The following TRPV3 variants were observed in gnomAD, a reference collection of about 807,000 sequenced individuals.
The protein encoded by TRPV3 is transient receptor potential cation channel subfamily V member 3, also known as VRL-3.
Under a neutral mutation model 87.1 loss-of-function variants are expected in TRPV3, and 88 were observed. The ratio of observed to expected loss-of-function variants is 1.01; its 90% CI spans 0.85 to 1.21. The LOEUF is 1.21. Among genes scored for constraint, TRPV3 ranks in the 50% most tolerant of loss-of-function variants. The probability of loss-of-function intolerance (pLI) is 0.00; values close to 1 mark genes in which losing one functional copy is unlikely to be tolerated. For synonymous variants in TRPV3, 438 were observed against 423.3 expected (o/e 1.03, Z -0.43); for missense variants, 1,054 against 1,030.1 (o/e 1.02, Z -0.32).
Position 3,526,904 on chromosome 17 carries a change from T to C in TRPV3, c.1527A>G (p.Arg509=), listed in dbSNP as rs771840292. The part of the protein sequence containing the change: ...VKEGIAIFLL[R]PSDLQSILSD... Reference sequence around the variant, plus strand: ...AGAGGATGGACTGCAGATCCGAGGGTCTCAGCAGGAAGATGGCAATGCCCT... The same window carrying C: ...AGAGGATGGACTGCAGATCCGAGGGCCTCAGCAGGAAGATGGCAATGCCCT... Residue 509 remains arginine (R), a synonymous_variant, in exon 12 of 18, where the codon AGA becomes AGG. Transcript: ENST00000576742. 15 of 1,611,778 alleles carry C rather than the reference T, an allele frequency of 9.3e-6. No individual in the cohort carries two copies. The South Asian group carries it at 1.7e-4, about 18-fold the overall frequency.
chr17:3,533,825 A>G (rs143605903), intron 7 of TRPV3, among the ~76,000 whole-genome samples: 1 of 152,222 alleles, frequency 6.6e-6, no homozygotes, highest in East Asian at 1.9e-4. Flanking sequence ...AGCACTTATC[A>G]TTTCATATCA....
chr17:3,541,074 C>A (rs931218017), intron 6 of TRPV3, among the ~76,000 whole-genome samples: 6 of 152,168 alleles, frequency 3.9e-5, no homozygotes, highest in Non-Finnish European at 7.3e-5. Context: ...CCTGGAAAAA[C>A]CTAAATTGTG....
chr17:3,536,591 A>G (rs1567639758), intron 6 of TRPV3, among the ~76,000 whole-genome samples: 1 of 152,104 alleles, frequency 6.6e-6, no homozygotes, highest in African/African-American at 2.4e-5. Flanking sequence ...TCCATCTCAA[A>G]AAACAAACAA....
At chr17:3,550,012 AATG>A (rs1285369070) in intron 2 of TRPV3, among the ~76,000 whole-genome samples, 2 of 149,940 alleles carry the variant, frequency 1.3e-5, no homozygotes, top group Non-Finnish European at 3.0e-5. Context: ...TGGATGAATA[AATG>A]ATGGATGGAT....
intron 11 of TRPV3, 51 bp from the exon 12 acceptor site, chr17:3,526,978 G>A: frequency 6.9e-7 from 1 of 1,443,408 alleles, no homozygotes; most frequent in Non-Finnish European, 9.6e-7. Flanking sequence ...GCCCTCAGCA[G>A]GGGAGCTGAG....
chr17:3,556,620 G>T lies in TRPV3; in HGVS notation c.-3+1056C>A, dbSNP rs1255358769. ...TCCTGGAGGAAGTTTCCGGAGCCAG[G>T]TGTCATCAGGCTGGAGAGAGTCCCC... On this transcript the variant is annotated intron_variant, in intron 1 of 17. Transcript: ENST00000576742. This position sits in a 1 kb window ranked among gnomAD's most constrained non-coding sequence, Gnocchi z 4.2. Among the ~76,000 whole-genome samples, 1 of 152,308 alleles carries T rather than the reference G, an allele frequency of 6.6e-6. No homozygotes were observed. Among genetic ancestry groups the T allele is most frequent in the East Asian group, 1.9e-4 (1 of 5,176 alleles).
chr17:3,554,953 T>G, intron 1 of TRPV3, 101 bp from the exon 2 acceptor site: 1 of 661,182 alleles, frequency 1.5e-6, no homozygotes, highest in Non-Finnish European at 2.6e-6. Context: ...CCGTTCACAC[T>G]ACCTGGAACT....
intron 6 of TRPV3, among the ~76,000 whole-genome samples, chr17:3,538,675 C>G (rs1450231352): frequency 6.6e-6 from 1 of 152,066 alleles, no homozygotes; most frequent in Non-Finnish European, 1.5e-5. Context: ...ACCTCCGCCT[C>G]CCAGGTTCAA....
At chr17:3,529,800 C>T (rs2074332750) in intron 9 of TRPV3, among the ~76,000 whole-genome samples, 2 of 150,252 alleles carry the variant, frequency 1.3e-5, no homozygotes, top group Non-Finnish European at 3.0e-5. Flanking sequence ...CCCGCCACCA[C>T]CACTCAGGTC....
At position 3,530,282 on chromosome 17, in the gene TRPV3, C is replaced by A; in HGVS notation, c.1066-79G>T. The A allele has an allele frequency of 6.8e-7, 1 of 1,466,654 alleles. No individual in the cohort carries two copies. The highest frequency in any genetic ancestry group is 9.2e-7 in the Non-Finnish European group (1 of 1,087,150). 90.9% of individuals were successfully genotyped at this position (1,466,654 alleles called of 1,614,324 possible). On this transcript the variant is annotated intron_variant, in intron 8 of 17. Transcript: ENST00000576742. The surrounding 1 kb of genome is among the most constrained non-coding windows in gnomAD (Gnocchi z 4.0). ...CAGGGCTGGACCAGCCAGAGGCTGG[C>A]TGGGCCCAGGGGATACACCCGCCCA...
At chr17:3,547,621 A>G (rs2074538789) in intron 2 of TRPV3, among the ~76,000 whole-genome samples, 2 of 151,226 alleles carry the variant, frequency 1.3e-5, no homozygotes, top group Admixed American at 1.3e-4. Flanking sequence ...ACTCCTCTAG[A>G]AAAAAAATGG....
At chr17:3,527,612 T>TGGATGGAC in intron 11 of TRPV3, 1 of 239,594 alleles carries the variant, frequency 4.2e-6, no homozygotes. Context: ...GATGGATGGA[T>TGGATGGAC]GGATGGACGG....
Position 3,543,444 on chromosome 17 carries a change from C to G in TRPV3, c.466+30G>C, listed in dbSNP as rs58658676. On this transcript the variant is annotated intron_variant, in intron 5 of 17. Transcript: ENST00000576742. ...CAGAAGCCAAGCAGGGCCCCCAGCC[C>G]TGCACCCTCTGCCAGGCTCAGACAC... is the stretch of plus-strand genomic sequence containing the variant. 467 of 1,610,150 alleles carry G rather than the reference C, an allele frequency of 2.9e-4. 3 individuals carry two copies. The African/African-American group carries it at 5.4e-3, about 19-fold the overall frequency.
In TRPV3 at chr17:3,514,588, A is replaced by G. The variant is rs575602910; in HGVS notation, c.2278+5T>C. 116 of 1,610,938 alleles carry G rather than the reference A, an allele frequency of 7.2e-5. No homozygotes were observed. In the Admixed American group the frequency reaches 1.9e-3, roughly 26 times the overall value. ...GGACACCATGTCACCTCACAGCGACAGTACCTGTTCGTCTTACAGGCCCCG... is the reference window on the plus strand; with the variant it reads ...GGACACCATGTCACCTCACAGCGACGGTACCTGTTCGTCTTACAGGCCCCG... On this transcript the variant is annotated splice_donor_5th_base_variant and intron_variant, in intron 17 of 17. Transcript: ENST00000576742.
chr17:3,539,869 G>A (rs2074442945), intron 6 of TRPV3, among the ~76,000 whole-genome samples: 1 of 152,010 alleles, frequency 6.6e-6, no homozygotes, highest in Non-Finnish European at 1.5e-5. Context: ...AGTTGTGATT[G>A]GTTCCTCTTA....
At chr17:3,520,929 G>T in intron 14 of TRPV3, 44 bp downstream of exon 14, 1 of 1,356,522 alleles carries the variant, frequency 7.4e-7, no homozygotes, top group South Asian at 1.2e-5. Context: ...TCTGTATAAA[G>T]TGTTTATAAA....
In TRPV3 at chr17:3,528,750, C is replaced by A; in HGVS notation, c.1401+87G>T. 1 of 1,522,818 alleles carries A rather than the reference C, an allele frequency of 6.6e-7. No homozygotes were observed. The highest frequency in any genetic ancestry group is 1.2e-5 in the South Asian group (1 of 82,726). The allele number at this position is 1,522,818 out of a possible 1,614,324, so 94.3% of individuals were successfully genotyped here. A position where few individuals can be genotyped will look rare whatever the true frequency, so the allele number is the denominator to read the frequency against. ...CGCCCAATCTCCTGGTCTCTCTGGGCCTCAGTTTTCCCACCTGCACGTGGG... is the reference window on the plus strand; with the variant it reads ...CGCCCAATCTCCTGGTCTCTCTGGGACTCAGTTTTCCCACCTGCACGTGGG... On this transcript the variant is annotated intron_variant, in intron 10 of 17. Transcript: ENST00000576742. The surrounding 1 kb of genome is among the most constrained non-coding windows in gnomAD (Gnocchi z 4.2).
chr17:3,527,724 T>C (rs547375657), intron 11 of TRPV3: 32 of 421,410 alleles, frequency 7.6e-5, no homozygotes, highest in African/African-American at 6.2e-4. Flanking sequence ...GCTGGGTCCA[T>C]GAAAGAGGGC....
At position 3,535,705 on chromosome 17, in the gene TRPV3, C is replaced by T. The variant is rs1019982418; in HGVS notation, c.652G>A (p.Ala218Thr). The stretch of plus-strand genomic sequence containing the variant: ...CGCCGCTCGATGGCGATGTTCAGCG[C>T]CGTCTGCCCTGCGGAGCGGGCGGGG... ...YTEEAYEGQTALNIAIERRQG... is the reference protein window; with the variant it reads ...YTEEAYEGQTTLNIAIERRQG... The change falls in exon 7 of 18, where the codon GCG (alanine) becomes ACG (threonine). Residue 218 changes from alanine to threonine, a missense_variant. Transcript: ENST00000576742. 1 of 1,545,514 alleles carries T rather than the reference C, an allele frequency of 6.5e-7. No individual in the cohort carries two copies. Among genetic ancestry groups the T allele is most frequent in the Middle Eastern group, 2.1e-4 (1 of 4,862 alleles).
Sources: gnomAD v4.1 joint callset for allele counts (sites outside exome capture counted in the v4.1 genomes callset) on GRCh38, gnomAD v4.1.1 for gene constraint, Gnocchi (gnomAD v3.1) non-coding constraint, MANE v1.5 for transcripts, NCBI Gene and HGNC (gene_info 2026-07-23, HGNC 2026-07-21) for gene names.